Variants in HECW2 observed in about 807,000 individuals in gnomAD.
HECW2 encodes E3 ubiquitin-protein ligase HECW2.
A neutral mutation model predicts 175.2 loss-of-function variants in HECW2; 61 were observed. That is an observed-to-expected ratio of 0.35 (90% CI 0.28 to 0.43). The LOEUF (loss-of-function observed/expected upper bound fraction) is 0.43, where lower values mean the gene tolerates loss of function less well. Among genes scored for constraint, HECW2 ranks in the 20% least tolerant of loss-of-function variants. HECW2 has a pLI of 1.00. For missense variants in HECW2, 1,524 were observed against 2,000.5 expected (o/e 0.76, Z 4.54); for synonymous variants, 671 against 731.0 (o/e 0.92, Z 1.32).
At chr2:196,557,394 T>G (rs138871135) in intron 1 of HECW2, among the ~76,000 whole-genome samples, 20,741 of 144,550 alleles carry the variant, frequency 0.14, 1,503 homozygotes, top group Middle Eastern at 0.25. Context: ...AAACTCCACC[T>G]CAAAAAAAAA....
chr2:196,382,157 G>C (rs1694223802), intron 2 of HECW2, among the ~76,000 whole-genome samples: 1 of 151,184 alleles, frequency 6.6e-6, no homozygotes, highest in Admixed American at 6.6e-5. Flanking sequence ...TTTCTACATA[G>C]TTGTATTTGC....
chr2:196,292,501 A>T, intron 14 of HECW2, 64 bp downstream of exon 14: 1 of 1,416,230 alleles, frequency 7.1e-7, no homozygotes, highest in Non-Finnish European at 9.8e-7. Flanking sequence ...GGTAGGGCCA[A>T]GTGTCGAAGC....
rs184958158 is a variant in HECW2 at position 196,275,563 on chromosome 2, C to T, written c.3136-1440G>A. On this transcript the variant is annotated intron_variant, in intron 15 of 28. Transcript: ENST00000644978. ...GGTCAACAGATCGAGACCATCCTGG[C>T]CAACATGGTGAAACCCCATCTCTAC... Among the ~76,000 whole-genome samples, 109 of 152,070 alleles carry T rather than the reference C, an allele frequency of 7.2e-4. 1 individual carries two copies. The highest frequency in any genetic ancestry group is 6.7e-3 in the Admixed American group (103 of 15,260).
At chr2:196,274,232 A>C in intron 15 of HECW2, 109 bp from the exon 16 acceptor site, 1 of 742,380 alleles carries the variant, frequency 1.3e-6, no homozygotes, top group Non-Finnish European at 2.3e-6. Context: ...GTGAAGTACC[A>C]CTTGATCAGA....
rs766706692 is a variant in HECW2 at position 196,200,130 on chromosome 2, C to G, written c.*1147G>C. The G allele has an allele frequency of 5.2e-5, 8 of 152,610 alleles. No homozygotes were observed. The highest frequency in any genetic ancestry group is 1.2e-4 in the Non-Finnish European group (8 of 68,016). 9.5% of individuals were successfully genotyped at this position (152,610 alleles called of 1,614,324 possible). A position where few individuals can be genotyped will look rare whatever the true frequency, so the allele number is the denominator to read the frequency against. ...TAATGCATTTTAAATAAATGCATATCATACTATCACATATAGTGAATCTTA... is the reference window on the plus strand; with the variant it reads ...TAATGCATTTTAAATAAATGCATATGATACTATCACATATAGTGAATCTTA... On this transcript the variant is annotated 3_prime_UTR_variant, in exon 29 of 29. Transcript: ENST00000644978.
intron 2 of HECW2, among the ~76,000 whole-genome samples, chr2:196,409,408 A>G (rs1881393): frequency 0.97 from 147,070 of 152,222 alleles, 71,048 homozygotes; most frequent in East Asian, 1. Flanking sequence ...TTCTCTGTCC[A>G]GGTCATACCT....
At chr2:196,432,237 T>A (rs1445081218) in intron 2 of HECW2, among the ~76,000 whole-genome samples, 1 of 147,654 alleles carries the variant, frequency 6.8e-6, no homozygotes, top group Non-Finnish European at 1.5e-5. Context: ...ATTTATTCGT[T>A]AAAAAAAAAA....
intron 17 of HECW2, chr2:196,262,998 G>A (rs1286931234): frequency 6.6e-6 from 1 of 150,692 alleles, no homozygotes; most frequent in Non-Finnish European, 1.5e-5. Flanking sequence ...TCCACCCGGT[G>A]TTTGGAATAA....
rs184068204 is a variant in HECW2 at position 196,278,730 on chromosome 2, G to A, written c.3001-68C>T. The stretch of plus-strand genomic sequence containing the variant: ...TCTTAGCTGACTTATAACATCAGAC[G>A]GTCAGGAAAAGACTCACTTCTGAGT... On this transcript the variant is annotated intron_variant, in intron 14 of 28. Coordinates refer to ENST00000644978, the MANE Select transcript of HECW2 (RefSeq NM_001348768.2). 179 of 1,562,626 alleles carry A rather than the reference G, an allele frequency of 1.1e-4. No individual in the cohort carries two copies. In the African/African-American group the frequency reaches 2.0e-3, roughly 17 times the overall value.
chr2:196,398,100 A>G (rs1694720044), intron 2 of HECW2, among the ~76,000 whole-genome samples: 1 of 132,090 alleles, frequency 7.6e-6, no homozygotes, highest in Admixed American at 7.7e-5. Flanking sequence ...TGTAGGGGAA[A>G]GGTGGCTGGA....
intron 2 of HECW2, among the ~76,000 whole-genome samples, chr2:196,432,575 T>C (rs1344746057): frequency 1.3e-5 from 2 of 152,146 alleles, no homozygotes; most frequent in African/African-American, 2.4e-5. Context: ...TTAAAGCAAA[T>C]AGCAATTATT....
Position 196,292,706 on chromosome 2 carries a change from C to G in HECW2, c.2859G>C (p.Met953Ile). 1 of 1,613,974 alleles carries G rather than the reference C, an allele frequency of 6.2e-7. No individual in the cohort carries two copies. Among genetic ancestry groups the G allele is most frequent in the Non-Finnish European group, 8.5e-7 (1 of 1,179,878 alleles). Residue 953 changes from methionine (M) to isoleucine (I), a missense_variant, in exon 14 of 29, where the codon ATG becomes ATC. Met to Ile is a conservative substitution (Grantham distance 10, BLOSUM62 1). Transcript: ENST00000644978. ...GGGTGTCCCTCCGGACTTTGGTGAT[C>G]ATGTGCTTCAAACACGTGTTGTTTG... ...MFTNNTCLKH[M>I]ITKVRRDTHH...
intron 5 of HECW2, among the ~76,000 whole-genome samples, chr2:196,329,114 T>C (rs555905468): frequency 2.0e-5 from 3 of 152,270 alleles, no homozygotes; most frequent in Admixed American, 2.0e-4. Flanking sequence ...TACAAGCAAT[T>C]TGAACATTTT....
intron 1 of HECW2, among the ~76,000 whole-genome samples, chr2:196,469,760 T>C (rs1178192204): frequency 6.6e-6 from 1 of 151,816 alleles, no homozygotes; most frequent in Non-Finnish European, 1.5e-5. Flanking sequence ...AAATAATCCA[T>C]ATGAGAGAAC....
rs1026932167 is a variant in HECW2 at position 196,199,725 on chromosome 2, C to G, written c.*1552G>C. 2.6e-5 allele frequency: 4 copies of G among 151,972 alleles called. No homozygotes were observed. The highest frequency in any genetic ancestry group is 7.3e-5 in the African/African-American group (3 of 41,376). 9.4% of individuals were successfully genotyped at this position (151,972 alleles called of 1,614,324 possible). On this transcript the variant is annotated 3_prime_UTR_variant, in exon 29 of 29. Transcript: ENST00000644978. ...TCACTCTATTGAAAATCTGATTAGT[C>G]AAGAAATAAACAAAGATGTGGAGTA... is the stretch of plus-strand genomic sequence containing the variant.
chr2:196,351,299 C>T (rs1284702846), intron 2 of HECW2, among the ~76,000 whole-genome samples: 3 of 151,482 alleles, frequency 2.0e-5, no homozygotes, highest in Non-Finnish European at 4.4e-5. Flanking sequence ...GGTGTGAAAA[C>T]TATTTTTAAA....
chr2:196,459,354 G>T (rs570011190), intron 1 of HECW2, among the ~76,000 whole-genome samples: 4 of 152,240 alleles, frequency 2.6e-5, no homozygotes, highest in African/African-American at 9.6e-5. Flanking sequence ...ACAGTTAAAG[G>T]GGGGAAAAGT....
Position 196,514,260 on chromosome 2 carries a change from G to A in HECW2, c.-36+79248C>T, listed in dbSNP as rs1212549877. Among the ~76,000 whole-genome samples, 5 of 152,214 alleles carry A rather than the reference G, an allele frequency of 3.3e-5. No homozygotes were observed. The East Asian group carries it at 9.6e-4, about 29-fold the overall frequency. On this transcript the variant is annotated intron_variant, in intron 1 of 28. Transcript: ENST00000644978. ...TGTCACAACCCAGCCAGGTGTGCAAGCACTTCGGAGGGCGCTGACACACCT... is the reference window on the plus strand; with the variant it reads ...TGTCACAACCCAGCCAGGTGTGCAAACACTTCGGAGGGCGCTGACACACCT...
chr2:196,276,566 T>C (rs753980460), intron 15 of HECW2, among the ~76,000 whole-genome samples: 2 of 152,158 alleles, frequency 1.3e-5, no homozygotes, highest in Non-Finnish European at 2.9e-5. Flanking sequence ...CAATAAAATA[T>C]CAGACAGAGC....
Sources: allele counts gnomAD v4.1 joint callset (sites outside exome capture counted in the v4.1 genomes callset), GRCh38; gene constraint gnomAD v4.1.1; transcripts MANE v1.5; gene names NCBI Gene and HGNC (gene_info 2026-07-23, HGNC 2026-07-21).